The following MGAT5 variants were observed in gnomAD, a reference collection of about 807,000 sequenced individuals.
MGAT5 encodes the protein alpha-1,6-mannosylglycoprotein 6-beta-N-acetylglucosaminyltransferase A.
Under a neutral mutation model 94.3 loss-of-function variants are expected in MGAT5, and 30 were observed. The ratio of observed to expected loss-of-function variants is 0.32; its 90% CI spans 0.24 to 0.43. The LOEUF (loss-of-function observed/expected upper bound fraction) is 0.43. Among genes scored for constraint, MGAT5 ranks in the 20% least tolerant of loss-of-function variants. MGAT5 has a pLI of 1.00. For missense variants in MGAT5, 691 were observed against 905.5 expected, an observed-to-expected ratio of 0.76 and a Z score of 3.04; for synonymous variants, 310 against 322.9, an observed-to-expected ratio of 0.96 and a Z score of 0.43.
intron 2 of MGAT5, among the ~76,000 whole-genome samples, chr2:134,298,752 T>C (rs920780172): frequency 2.0e-5 from 3 of 152,108 alleles, no homozygotes; most frequent in Admixed American, 2.0e-4. Flanking sequence ...AGGATAGGAA[T>C]TGGAGAAGAG....
At chr2:134,273,928 C>T (rs953908992) in intron 2 of MGAT5, among the ~76,000 whole-genome samples, 1 of 152,158 alleles carries the variant, frequency 6.6e-6, no homozygotes, top group African/African-American at 2.4e-5. Flanking sequence ...ATTAATTTCT[C>T]CATATTCACT....
chr2:134,325,630 AAATT>A (rs1216876754), intron 4 of MGAT5, among the ~76,000 whole-genome samples: 2 of 152,154 alleles, frequency 1.3e-5, no homozygotes, highest in Non-Finnish European at 2.9e-5. Context: ...TCACACCTGA[AAATT>A]AACATAATTC....
chr2:134,149,902 T>C (rs1687095369), intron 1 of MGAT5, among the ~76,000 whole-genome samples: 1 of 152,178 alleles, frequency 6.6e-6, no homozygotes, highest in Admixed American at 6.5e-5. Flanking sequence ...GAAGGAGCTA[T>C]AGTCAAGGAA....
intron 9 of MGAT5, among the ~76,000 whole-genome samples, chr2:134,355,744 C>G (rs1055644077): frequency 2.0e-5 from 3 of 152,224 alleles, no homozygotes; most frequent in Non-Finnish European, 2.9e-5. Flanking sequence ...CTCTAATTAT[C>G]TGCACCACAC....
chr2:134,199,802 C>T lies in MGAT5; in HGVS notation c.-142-54460C>T, dbSNP rs1679684894. 2.6e-5 allele frequency among the ~76,000 whole-genome samples: 4 copies of T among 152,014 alleles called. No homozygotes were observed. The South Asian group carries it at 8.3e-4, about 32-fold the overall frequency. On this transcript the variant is annotated intron_variant, in intron 1 of 16. Coordinates refer to the MGAT5 transcript ENST00000409645. ...AAAGTGTTTTGCTTGGGAAATGCTC[C>T]CCCTGCATATGGCTACTATCCATTG...
intron 1 of MGAT5, among the ~76,000 whole-genome samples, chr2:134,151,949 CT>C (rs1403563567): frequency 1.1e-5 from 1 of 89,400 alleles, no homozygotes; most frequent in Non-Finnish European, 3.2e-5. Flanking sequence ...GCCATGGGAC[CT>C]CACTCACTCA....
chr2:134,351,656 C>T (rs1197957952), intron 9 of MGAT5, among the ~76,000 whole-genome samples: 1 of 152,040 alleles, frequency 6.6e-6, no homozygotes, highest in Non-Finnish European at 1.5e-5. Context: ...TTCTATTAAT[C>T]TGGGAAGGGA....
At chr2:134,320,679 G>A (rs1687261793) in intron 4 of MGAT5, among the ~76,000 whole-genome samples, 1 of 152,158 alleles carries the variant, frequency 6.6e-6, no homozygotes, top group South Asian at 2.1e-4. Context: ...TGCCATGCAG[G>A]AAGGAGAACA....
chr2:134,221,150 C>T (rs766417105), intron 1 of MGAT5, among the ~76,000 whole-genome samples: 4 of 152,124 alleles, frequency 2.6e-5, no homozygotes, highest in South Asian at 2.1e-4. Flanking sequence ...GACCATGGCC[C>T]GTGACACAGC....
At chr2:134,325,056 G>A (rs1293282758) in intron 4 of MGAT5, among the ~76,000 whole-genome samples, 3 of 151,280 alleles carry the variant, frequency 2.0e-5, no homozygotes, top group Admixed American at 6.6e-5. Flanking sequence ...TTGTTAGTCA[G>A]CCTAACTGAT....
intron 12 of MGAT5, among the ~76,000 whole-genome samples, chr2:134,415,008 A>G (rs566771311): frequency 4.5e-4 from 69 of 152,286 alleles, no homozygotes; most frequent in East Asian, 2.7e-3. Context: ...TTGTTTATCT[A>G]TTCATCCACT....
intron 12 of MGAT5, among the ~76,000 whole-genome samples, chr2:134,420,721 C>T (rs951681402): frequency 6.6e-6 from 1 of 152,130 alleles, no homozygotes; most frequent in Non-Finnish European, 1.5e-5. Flanking sequence ...CACTGGCAAA[C>T]CCAATATTTC....
At chr2:134,412,148 G>A (rs962838079) in intron 11 of MGAT5, among the ~76,000 whole-genome samples, 1 of 152,116 alleles carries the variant, frequency 6.6e-6, no homozygotes, top group East Asian at 1.9e-4. Context: ...AGCTGCTGTG[G>A]TTGCTCTGAG....
chr2:134,296,718 A>T (rs745990115), intron 2 of MGAT5, among the ~76,000 whole-genome samples: 19 of 152,150 alleles, frequency 1.2e-4, no homozygotes, highest in Non-Finnish European at 1.9e-4. Context: ...GATAGACTTG[A>T]CATTTGATTA....
chr2:134,408,869 A>G (rs141711394), intron 11 of MGAT5, among the ~76,000 whole-genome samples: 5 of 152,220 alleles, frequency 3.3e-5, no homozygotes, highest in African/African-American at 1.2e-4. Context: ...CATTAATATA[A>G]TGATTCCCAG....
chr2:134,383,392 A>G (rs1180667606), intron 10 of MGAT5, among the ~76,000 whole-genome samples: 1 of 152,252 alleles, frequency 6.6e-6, no homozygotes, highest in Non-Finnish European at 1.5e-5. Context: ...CAATTTAATG[A>G]ACTTTGTATT....
chr2:134,315,132 GTTAGT>G (rs1686923531), intron 2 of MGAT5, among the ~76,000 whole-genome samples: 1 of 152,184 alleles, frequency 6.6e-6, no homozygotes, highest in African/African-American at 2.4e-5. Context: ...TCATGCACCT[GTTAGT>G]TTATTTTCTC....
intron 2 of MGAT5, among the ~76,000 whole-genome samples, chr2:134,308,091 CTTAT>C (rs1209670617): frequency 6.6e-6 from 1 of 152,144 alleles, no homozygotes; most frequent in Non-Finnish European, 1.5e-5. Flanking sequence ...GATAATAGTA[CTTAT>C]TATTGTGAGG....
At chr2:134,220,134 A>G (rs184196742) in intron 1 of MGAT5, among the ~76,000 whole-genome samples, 7 of 152,306 alleles carry the variant, frequency 4.6e-5, no homozygotes, top group African/African-American at 1.4e-4. Context: ...GAGGCTCAGA[A>G]TGGTAAGTAG....
Sources: gnomAD v4.1 joint callset for allele counts (sites outside exome capture counted in the v4.1 genomes callset) on GRCh38, gnomAD v4.1.1 for gene constraint, MANE v1.5 for transcripts, NCBI Gene and HGNC (gene_info 2026-07-23, HGNC 2026-07-21) for gene names.